Variants in NREP observed in about 807,000 individuals in gnomAD.
The protein encoded by NREP is neuronal regeneration-related protein.
In NREP, 5 loss-of-function variants were observed where a neutral mutation model predicts 8.6. That is an observed-to-expected ratio of 0.58 (90% confidence interval 0.30 to 1.22). NREP has a LOEUF of 1.22. Ranked by LOEUF, NREP falls within the 50% of genes most tolerant of loss-of-function variation. The probability of loss-of-function intolerance (pLI) is 0.07; values close to 1 mark genes in which losing one functional copy is unlikely to be tolerated. For synonymous variants in NREP, 27 were observed against 28.0 expected (o/e 0.96, Z 0.11); for missense variants, 86 against 82.5 (o/e 1.04, Z -0.17).
chr5:111,827,441 A>G (rs1034993951), intron 2 of NREP, among the ~76,000 whole-genome samples: 4 of 152,250 alleles, frequency 2.6e-5, no homozygotes, highest in Non-Finnish European at 4.4e-5. Flanking sequence ...CAAAATGGCT[A>G]CACAATGCCC....
intron 2 of NREP, among the ~76,000 whole-genome samples, chr5:111,766,161 A>G (rs893055619): frequency 3.9e-5 from 6 of 152,168 alleles, no homozygotes; most frequent in African/African-American, 1.4e-4. Context: ...TAAATTACAC[A>G]ACTTGCTGGA....
chr5:111,875,461 T>C lies in NREP; in HGVS notation c.135+99813A>G, dbSNP rs1238881237. Reference sequence around the variant, plus strand: ...AAATTTGGATAACATAGAAATCTTATTGTGGTTTTCACCACTCAGAATATC... The same window carrying C: ...AAATTTGGATAACATAGAAATCTTACTGTGGTTTTCACCACTCAGAATATC... On this transcript the variant is annotated intron_variant, in intron 2 of 3. Coordinates refer to the NREP transcript ENST00000395634. Among the ~76,000 whole-genome samples, 6 of 152,312 alleles carry C rather than the reference T, an allele frequency of 3.9e-5. No homozygotes were observed. The East Asian group carries it at 7.7e-4, about 20-fold the overall frequency.
intron 2 of NREP, among the ~76,000 whole-genome samples, chr5:111,845,877 A>T (rs1382063729): frequency 2.0e-5 from 3 of 151,784 alleles, no homozygotes; most frequent in African/African-American, 7.3e-5. Context: ...AAAGAAAAGA[A>T]AAGAAACCTC....
In NREP at chr5:111,835,255, G is replaced by A. The variant is rs141453223; in HGVS notation, c.136-99748C>T. Among the ~76,000 whole-genome samples the A allele has an allele frequency of 3.5e-4, 54 of 152,196 alleles. 1 individual carries two copies. Among genetic ancestry groups the A allele is most frequent in the African/African-American group, 1.2e-3 (51 of 41,534 alleles). On this transcript the variant is annotated intron_variant, in intron 2 of 3. Transcript: ENST00000395634. Reference sequence around the variant, plus strand: ...GGATTTTTTTTCTGGGCACAGTGCAGTAGCTATAAAATAATTATTAGTCTA... The same window carrying A: ...GGATTTTTTTTCTGGGCACAGTGCAATAGCTATAAAATAATTATTAGTCTA...
At chr5:111,789,952 G>A (rs1005777801) in intron 2 of NREP, among the ~76,000 whole-genome samples, 5 of 152,000 alleles carry the variant, frequency 3.3e-5, no homozygotes, top group Non-Finnish European at 5.9e-5. Flanking sequence ...AATTTATGTA[G>A]AGGAGAAAAT....
chr5:111,778,532 T>C (rs965420813), intron 2 of NREP, among the ~76,000 whole-genome samples: 55 of 152,280 alleles, frequency 3.6e-4, no homozygotes, highest in Admixed American at 9.8e-4. Flanking sequence ...TAAAGAGTTA[T>C]ACATGAAGCT....
At chr5:111,934,546 C>G (rs1035173525) in intron 2 of NREP, among the ~76,000 whole-genome samples, 21 of 151,894 alleles carry the variant, frequency 1.4e-4, no homozygotes, top group Admixed American at 3.9e-4. Context: ...CACATAGGAC[C>G]AGAAAAGAAA....
intron 2 of NREP, among the ~76,000 whole-genome samples, chr5:111,959,086 A>G (rs1186817871): frequency 6.6e-6 from 1 of 152,024 alleles, no homozygotes; most frequent in African/African-American, 2.4e-5. Flanking sequence ...TGTGGGAATC[A>G]AAACTGCAAA....
At chr5:111,971,836 G>A (rs1002418366) in intron 2 of NREP, among the ~76,000 whole-genome samples, 11 of 151,922 alleles carry the variant, frequency 7.2e-5, no homozygotes, top group African/African-American at 2.7e-4. Context: ...ACTGGACAAT[G>A]ATTTTTTTTA....
intron 2 of NREP, among the ~76,000 whole-genome samples, chr5:111,964,568 C>T (rs1200483734): frequency 6.6e-6 from 1 of 151,844 alleles, no homozygotes; most frequent in Non-Finnish European, 1.5e-5. Flanking sequence ...TGGGGTTTGC[C>T]CATGTTGGCC....
chr5:111,854,324 G>A (rs926422524), intron 2 of NREP, among the ~76,000 whole-genome samples: 2 of 152,074 alleles, frequency 1.3e-5, no homozygotes, highest in African/African-American at 4.8e-5. Flanking sequence ...CACCCAGCCC[G>A]GGGCCAACCT....
At chr5:111,894,462 C>A (rs1291322455) in intron 2 of NREP, among the ~76,000 whole-genome samples, 1 of 145,262 alleles carries the variant, frequency 6.9e-6, no homozygotes, top group Admixed American at 6.9e-5. Context: ...TTTTTTTTTT[C>A]AGTTAGAGGT....
intron 2 of NREP, among the ~76,000 whole-genome samples, chr5:111,823,774 T>C (rs1228924185): frequency 6.6e-6 from 1 of 152,204 alleles, no homozygotes; most frequent in African/African-American, 2.4e-5. Flanking sequence ...AGTAATTCAA[T>C]GTGTCTTCTG....
At chr5:111,786,207 T>G (rs1751604847) in intron 2 of NREP, among the ~76,000 whole-genome samples, 1 of 152,228 alleles carries the variant, frequency 6.6e-6, no homozygotes, top group African/African-American at 2.4e-5. Context: ...TAAGGGGCTC[T>G]TCCCACTTTG....
At chr5:111,868,915 G>A (rs889037910) in intron 2 of NREP, among the ~76,000 whole-genome samples, 1 of 151,800 alleles carries the variant, frequency 6.6e-6, no homozygotes, top group Non-Finnish European at 1.5e-5. Flanking sequence ...TTAGCAACAT[G>A]AATTGCAAGT....
intron 2 of NREP, among the ~76,000 whole-genome samples, chr5:111,890,757 T>A (rs1581196087): frequency 6.6e-6 from 1 of 152,206 alleles, no homozygotes; most frequent in African/African-American, 2.4e-5. Flanking sequence ...CTGGCTGGGA[T>A]GTGGAGAGCA....
At position 111,967,222 on chromosome 5, in the gene NREP, C is replaced by T. The variant is rs139546042; in HGVS notation, c.135+8052G>A. 1.2e-4 allele frequency among the ~76,000 whole-genome samples: 19 copies of T among 152,306 alleles called. 1 individual carries two copies. In the East Asian group the frequency reaches 1.9e-3, roughly 15 times the overall value. Reference sequence around the variant, plus strand: ...GATAGAGCTCAACAACTTCAGTGCACGAGCCCGTCATGCACCATTAACATT... The same window carrying T: ...GATAGAGCTCAACAACTTCAGTGCATGAGCCCGTCATGCACCATTAACATT... On this transcript the variant is annotated intron_variant, in intron 2 of 3. Coordinates refer to the NREP transcript ENST00000395634.
rs193250133 is a variant in NREP at position 111,967,712 on chromosome 5, C to T, written c.135+7562G>A. Among the ~76,000 whole-genome samples, 289 of 152,168 alleles carry T rather than the reference C, an allele frequency of 1.9e-3. 1 individual carries two copies. Among genetic ancestry groups the T allele is most frequent in the African/African-American group, 6.5e-3 (270 of 41,508 alleles). On this transcript the variant is annotated intron_variant, in intron 2 of 3. Coordinates refer to the NREP transcript ENST00000395634. Reference sequence around the variant, plus strand: ...GATGTGAGGATCGCCTCTGCCCGGCCGCTGTGCAACCTTCCAAGTGTGAAG... The same window carrying T: ...GATGTGAGGATCGCCTCTGCCCGGCTGCTGTGCAACCTTCCAAGTGTGAAG...
chr5:111,800,503 G>A (rs183992722), intron 2 of NREP, among the ~76,000 whole-genome samples: 21 of 152,280 alleles, frequency 1.4e-4, no homozygotes, highest in South Asian at 4.1e-4. Context: ...GTTTTACAGC[G>A]GAGTCCTGTG....
Sources: gnomAD v4.1 joint callset for allele counts (sites outside exome capture counted in the v4.1 genomes callset) on GRCh38, gnomAD v4.1.1 for gene constraint, MANE v1.5 for transcripts, NCBI Gene and HGNC (gene_info 2026-07-23, HGNC 2026-07-21) for gene names.